The following PAN3 variants were observed in gnomAD, a reference collection of about 807,000 sequenced individuals.
PAN3 encodes the protein PAN2-PAN3 deadenylation complex subunit PAN3.
Under a neutral mutation model 96.2 loss-of-function variants are expected in PAN3, and 19 were observed. That is an observed-to-expected ratio of 0.20 (90% CI 0.14 to 0.29). PAN3 has a LOEUF of 0.29. PAN3 is among the 10% of genes least tolerant of loss of function. PAN3 has a pLI of 1.00. For missense variants in PAN3, 882 were observed against 1,108.1 expected (o/e 0.80, Z 2.90); for synonymous variants, 433 against 406.6 (o/e 1.06, Z -0.78).
At position 28,147,999 on chromosome 13, in the gene PAN3, A is replaced by G. The variant is rs1432897404; in HGVS notation, c.430+8912A>G. On this transcript the variant is annotated intron_variant, in intron 1 of 18. Coordinates refer to ENST00000380958, the MANE Select transcript of PAN3 (RefSeq NM_175854.8). ...GAGACAAAGTCTTGCTCTGTTTCCCATGCTGGAGTGCAGTGGTGTGATCAC... is the reference window on the plus strand; with the variant it reads ...GAGACAAAGTCTTGCTCTGTTTCCCGTGCTGGAGTGCAGTGGTGTGATCAC... Among the ~76,000 whole-genome samples the G allele has an allele frequency of 2.0e-5, 3 of 151,846 alleles. No individual in the cohort carries two copies. In the East Asian group the frequency reaches 5.8e-4, roughly 29 times the overall value.
intron 1 of PAN3, among the ~76,000 whole-genome samples, chr13:28,141,830 G>C (rs565264529): frequency 6.6e-6 from 1 of 152,284 alleles, no homozygotes; most frequent in South Asian, 2.1e-4. Flanking sequence ...GTAAGCAGAT[G>C]AAGATGGGAG....
At chr13:28,158,751 G>A (rs556061861) in intron 1 of PAN3, among the ~76,000 whole-genome samples, 15 of 152,096 alleles carry the variant, frequency 9.9e-5, no homozygotes, top group African/African-American at 2.9e-4. Context: ...GGTGGTGGGC[G>A]CCTGTAGTCC....
At chr13:28,204,238 C>G (rs143192002) in intron 5 of PAN3, among the ~76,000 whole-genome samples, 3 of 152,322 alleles carry the variant, frequency 2.0e-5, no homozygotes, top group African/African-American at 7.2e-5. Context: ...TTTGATCTTT[C>G]CTTTAGTCTT....
At chr13:28,161,568 T>G (rs559350072) in intron 1 of PAN3, among the ~76,000 whole-genome samples, 1 of 152,320 alleles carries the variant, frequency 6.6e-6, no homozygotes, top group Admixed American at 6.5e-5. Context: ...GGATTAAGAC[T>G]TCAGCATAGG....
At chr13:28,198,247 C>T (rs963286182) in intron 5 of PAN3, among the ~76,000 whole-genome samples, 26 of 151,434 alleles carry the variant, frequency 1.7e-4, no homozygotes, top group Admixed American at 6.6e-4. Context: ...GACTGCACCA[C>T]TGCACCCACT....
intron 1 of PAN3, among the ~76,000 whole-genome samples, chr13:28,148,148 GTCTCCCTGTGTTTCCCAGGCTGTTC>G (rs2137950715): frequency 6.6e-6 from 1 of 152,032 alleles, no homozygotes; most frequent in Admixed American, 6.6e-5. Context: ...TGGAGATGGG[GTCTCCCTGTGTTTCCCAGGCTGTTC>G]TCTAACTCCT....
intron 6 of PAN3, among the ~76,000 whole-genome samples, chr13:28,238,628 CTT>C (rs978147124): frequency 4.6e-5 from 7 of 151,982 alleles, no homozygotes; most frequent in Non-Finnish European, 1.0e-4. Flanking sequence ...AGCATTGATA[CTT>C]TTTTTAATGA....
At chr13:28,185,739 A>G (rs1876376867) in intron 4 of PAN3, among the ~76,000 whole-genome samples, 1 of 152,132 alleles carries the variant, frequency 6.6e-6, no homozygotes, top group African/African-American at 2.4e-5. Flanking sequence ...CTAATTTTAT[A>G]GCTTTGAAGA....
rs80233343 is a variant in PAN3 at position 28,187,683 on chromosome 13, A to G, written c.691-9502A>G. Among the ~76,000 whole-genome samples, 374 of 152,284 alleles carry G rather than the reference A, an allele frequency of 2.5e-3. 16 individuals carry two copies. In the East Asian group the frequency reaches 0.064, roughly 26 times the overall value. On this transcript the variant is annotated intron_variant, in intron 4 of 18. Coordinates refer to ENST00000380958, the MANE Select transcript of PAN3 (RefSeq NM_175854.8). ...GTATATGTGTTTATACATGTAAATT[A>G]TGTTCTGCTGTGTTTGATATAATTT... is the stretch of plus-strand genomic sequence containing the variant.
At chr13:28,140,944 A>G (rs1869687964) in intron 1 of PAN3, among the ~76,000 whole-genome samples, 1 of 151,382 alleles carries the variant, frequency 6.6e-6, no homozygotes, top group South Asian at 2.1e-4. Flanking sequence ...CTCAGTAGTA[A>G]TGTTTGATTA....
intron 6 of PAN3, among the ~76,000 whole-genome samples, chr13:28,242,297 A>C (rs1471965824): frequency 6.6e-6 from 1 of 152,164 alleles, no homozygotes; most frequent in African/African-American, 2.4e-5. Flanking sequence ...AGGCAATTTG[A>C]TGATGATAGC....
At chr13:28,235,120 C>A (rs1882958909) in intron 6 of PAN3, among the ~76,000 whole-genome samples, 1 of 152,276 alleles carries the variant, frequency 6.6e-6, no homozygotes, top group East Asian at 1.9e-4. Flanking sequence ...CTTTTACTGA[C>A]ATTCCCCAAA....
chr13:28,170,623 T>C (rs2138079572), intron 1 of PAN3, among the ~76,000 whole-genome samples: 1 of 152,300 alleles, frequency 6.6e-6, no homozygotes, highest in Non-Finnish European at 1.5e-5. Context: ...TTGTACTCTA[T>C]TTTGGAGTAA....
At chr13:28,278,239 T>A (rs771774605) in intron 15 of PAN3, among the ~76,000 whole-genome samples, 13 of 152,246 alleles carry the variant, frequency 8.5e-5, no homozygotes, top group South Asian at 4.1e-4. Flanking sequence ...TGTTCTTTGT[T>A]ACACTGGCAT....
At chr13:28,215,741 T>G in intron 5 of PAN3, 3 of 1,495,494 alleles carry the variant, frequency 2.0e-6, no homozygotes, top group Non-Finnish European at 2.7e-6. Flanking sequence ...AGCCCATGTG[T>G]GCTGAGAGCT....
Position 28,139,020 on chromosome 13 carries a change from C to G in PAN3, c.363C>G (p.Asp121Glu). ...GGCCCAAGAAGCCGGACCTGGGGGA[C>G]CCGGGGACCGGAGCCGCAGCCGGCG... ...PPGPKKPDLG[D>E]PGTGAAAGGG... The change falls in exon 1 of 19, where the codon GAC (aspartate) becomes GAG (glutamate). Residue 121 changes from aspartate to glutamate, a missense_variant. By Grantham distance (45) the Asp-to-Glu change is conservative (BLOSUM62 2). Around this residue, in one of 3 missense-constraint regions of PAN3, gnomAD observed 442 missense variants for 422.8 expected, o/e 1.05. Transcript: ENST00000380958. 7.8e-7 allele frequency: 1 copy of G among 1,274,122 alleles called. No homozygotes were observed. The highest frequency in any genetic ancestry group is 9.9e-7 in the Non-Finnish European group (1 of 1,010,622). 78.9% of individuals were successfully genotyped at this position (1,274,122 alleles called of 1,614,324 possible). A position where few individuals can be genotyped will look rare whatever the true frequency, so the allele number is the denominator to read the frequency against.
At chr13:28,271,805 C>T (rs566820869) in intron 13 of PAN3, among the ~76,000 whole-genome samples, 176 bp from the exon 14 acceptor site, 1 of 152,128 alleles carries the variant, frequency 6.6e-6, no homozygotes, top group East Asian at 1.9e-4. Context: ...TATCTCTGAG[C>T]CTTAATTTTA....
chr13:28,246,712 A>T (rs1455860791), intron 6 of PAN3, among the ~76,000 whole-genome samples: 1 of 152,148 alleles, frequency 6.6e-6, no homozygotes, highest in Non-Finnish European at 1.5e-5. Context: ...TTCACTTAAC[A>T]TAATGACCTT....
chr13:28,180,727 G>C (rs560265472), intron 4 of PAN3, among the ~76,000 whole-genome samples: 4 of 152,310 alleles, frequency 2.6e-5, no homozygotes, highest in African/African-American at 9.6e-5. Context: ...AGTTGGGCCA[G>C]TCTCTGAGCC....
Sources: gnomAD v4.1 joint callset for allele counts (sites outside exome capture counted in the v4.1 genomes callset) on GRCh38, gnomAD v4.1.1 for gene constraint, gnomAD v4.1.1 regional missense constraint, MANE v1.5 for transcripts, NCBI Gene and HGNC (gene_info 2026-07-23, HGNC 2026-07-21) for gene names.